PTPRN2: variants seen among roughly 807,000 people sequenced by gnomAD.
The protein encoded by PTPRN2 is receptor-type tyrosine-protein phosphatase N2.
PTPRN2 carries 74 observed loss-of-function variants against 118.8 expected under a neutral mutation model. That is an observed-to-expected ratio of 0.62 (90% CI 0.52 to 0.76). PTPRN2 has a LOEUF of 0.76. Among genes scored for constraint, PTPRN2 ranks in the 30% least tolerant of loss-of-function variants. The pLI is 0.00. For missense variants in PTPRN2, 1,481 were observed against 1,394.4 expected, an observed-to-expected ratio of 1.06 and a Z score of -0.99; for synonymous variants, 641 against 608.0, an observed-to-expected ratio of 1.05 and a Z score of -0.80.
rs964124016 is a variant in PTPRN2, at chr7:157,874,273, A to C, written c.1788+24400T>G. On this transcript the variant is annotated intron_variant, in intron 12 of 22. Coordinates refer to ENST00000389418, the MANE Select transcript of PTPRN2 (RefSeq NM_002847.5). This position sits in a 1 kb window ranked among gnomAD's most constrained non-coding sequence, Gnocchi z 5.8. Reference sequence around the variant, plus strand: ...ACTCCATGGCTCCCCATGGCCTGCAAATCAGATCACAGCCCCTAAGCCTGG... The same window carrying C: ...ACTCCATGGCTCCCCATGGCCTGCACATCAGATCACAGCCCCTAAGCCTGG... 6.6e-6 allele frequency among the ~76,000 whole-genome samples: 1 copy of C among 152,016 alleles called. No homozygotes were observed.
rs762549057 is a variant in PTPRN2 at position 157,623,344 on chromosome 7, T to C, written c.2197-1835A>G. On this transcript the variant is annotated intron_variant, in intron 14 of 22. Coordinates refer to ENST00000389418, the MANE Select transcript of PTPRN2 (RefSeq NM_002847.5). ...CTACTTTTCTCAAGTTGGGCTTACG[T>C]AGAGTTCTACAAATAGGTAGGTCGA... Among the ~76,000 whole-genome samples the C allele has an allele frequency of 1.9e-4, 29 of 152,230 alleles. 1 individual carries two copies. The highest frequency in any genetic ancestry group is 8.5e-4 in the Admixed American group (13 of 15,282).
chr7:157,740,177 G>A (rs1400451565), intron 12 of PTPRN2: 1 of 152,180 alleles, frequency 6.6e-6, no homozygotes, highest in Non-Finnish European at 1.5e-5. Context: ...TGTATATGGT[G>A]AGCTACCTTA....
chr7:157,856,929 G>A lies in PTPRN2; in HGVS notation c.1788+41744C>T, dbSNP rs183649498. On this transcript the variant is annotated intron_variant, in intron 12 of 22. Transcript: ENST00000389418. Reference sequence around the variant, plus strand: ...ACCCAACTGTGTAGCAGACTTCCACGGCTCATGATTTATTCTCAAATTTTT... The same window carrying A: ...ACCCAACTGTGTAGCAGACTTCCACAGCTCATGATTTATTCTCAAATTTTT... 1.9e-3 allele frequency among the ~76,000 whole-genome samples: 290 copies of A among 152,190 alleles called. 2 individuals carry two copies. In the South Asian group the frequency reaches 0.021, roughly 11 times the overall value.
intron 14 of PTPRN2, among the ~76,000 whole-genome samples, chr7:157,633,666 A>T (rs2150675591): frequency 6.6e-6 from 1 of 152,276 alleles, no homozygotes; most frequent in Admixed American, 6.5e-5. Context: ...GGACCTGGGC[A>T]GGGCCTGAGT....
chr7:157,656,778 G>A (rs952751243), intron 13 of PTPRN2, among the ~76,000 whole-genome samples: 3 of 152,152 alleles, frequency 2.0e-5, no homozygotes, highest in Admixed American at 2.0e-4. Context: ...TGCAGGAAAA[G>A]AGAGGCCTTG....
chr7:157,756,303 AAT>A (rs1491521995), intron 12 of PTPRN2, among the ~76,000 whole-genome samples: 1 of 143,844 alleles, frequency 7.0e-6, no homozygotes, highest in African/African-American at 2.9e-5. Context: ...TCTTTTAATT[AAT>A]TTTTTTTTTT....
intron 4 of PTPRN2, among the ~76,000 whole-genome samples, chr7:158,201,361 A>T (rs1826637375): frequency 1.3e-5 from 2 of 152,198 alleles, no homozygotes; most frequent in Non-Finnish European, 2.9e-5. Flanking sequence ...ATAAATTCTC[A>T]TCAGATGGGT....
chr7:157,541,432 G>A (rs886165292), intron 22 of PTPRN2, among the ~76,000 whole-genome samples: 1 of 152,262 alleles, frequency 6.6e-6, no homozygotes. Flanking sequence ...CGGACAGCCT[G>A]CCGAGAGCAT....
At chr7:158,452,507 C>T (rs1427539450) in intron 2 of PTPRN2, among the ~76,000 whole-genome samples, 2 of 152,182 alleles carry the variant, frequency 1.3e-5, no homozygotes, top group East Asian at 1.9e-4. Context: ...GCTCTGAGCA[C>T]GCCACGCACC....
intron 2 of PTPRN2, among the ~76,000 whole-genome samples, chr7:158,404,508 C>A (rs570972384): frequency 1.3e-5 from 2 of 152,280 alleles, no homozygotes; most frequent in South Asian, 2.1e-4. Flanking sequence ...AGGACGGGGG[C>A]TCCCCAGGGG....
Position 157,785,404 on chromosome 7 carries a change from G to C in PTPRN2, c.1789-102467C>G, listed in dbSNP as rs571229382. Among the ~76,000 whole-genome samples, 58 of 152,332 alleles carry C rather than the reference G, an allele frequency of 3.8e-4. No individual in the cohort carries two copies. In the East Asian group the frequency reaches 9.9e-3, roughly 26 times the overall value. The stretch of plus-strand genomic sequence containing the variant: ...AACGAAATCGCCCCCGAGGATGAAA[G>C]GGGGTGGTGGAAAAGGCCTTGGAGC... On this transcript the variant is annotated intron_variant, in intron 12 of 22. Coordinates refer to ENST00000389418, the MANE Select transcript of PTPRN2 (RefSeq NM_002847.5). The surrounding 1 kb of genome is among the most constrained non-coding windows in gnomAD (Gnocchi z 7.3).
Position 158,269,749 on chromosome 7 carries a change from GA to G in PTPRN2, c.277+47069del, listed in dbSNP as rs202005949. Among the ~76,000 whole-genome samples, 29 of 141,604 alleles carry G rather than the reference GA, an allele frequency of 2.0e-4. No individual in the cohort carries two copies. The East Asian group carries it at 2.4e-3, about 12-fold the overall frequency. The allele number at this position is 141,604 out of a possible 152,430, so 92.9% of individuals were successfully genotyped here. ...ACAGAAACAGAGAGACAGAGACAGA[GA>G]GAGACAGAGACAGAGGAACAGAGAC... On this transcript the variant is annotated intron_variant, in intron 3 of 22. Transcript: ENST00000389418.
At chr7:158,230,747 C>T (rs1484313434) in intron 3 of PTPRN2, among the ~76,000 whole-genome samples, 1 of 151,784 alleles carries the variant, frequency 6.6e-6, no homozygotes, top group Non-Finnish European at 1.5e-5. Context: ...AGACAGAAAG[C>T]AAGCAAGGCA....
chr7:158,422,757 T>C (rs1462532067), intron 2 of PTPRN2, among the ~76,000 whole-genome samples: 3 of 151,438 alleles, frequency 2.0e-5, no homozygotes, highest in Admixed American at 6.6e-5. Flanking sequence ...GGGGCCACCA[T>C]TGGGATGTGG....
intron 2 of PTPRN2, among the ~76,000 whole-genome samples, chr7:158,373,153 A>G (rs7798400): frequency 0.89 from 136,044 of 152,306 alleles, 60,827 homozygotes; most frequent in Non-Finnish European, 0.91. Flanking sequence ...GAGCGTTAAC[A>G]TCGGCATTTA....
At chr7:157,645,907 T>C (rs996272249) in intron 14 of PTPRN2, among the ~76,000 whole-genome samples, 6 of 152,162 alleles carry the variant, frequency 3.9e-5, no homozygotes, top group Non-Finnish European at 8.8e-5. Context: ...CTTGGTACAA[T>C]ATGACAAAGA....
chr7:158,456,481 A>G (rs1198090351), intron 2 of PTPRN2, among the ~76,000 whole-genome samples: 1 of 149,056 alleles, frequency 6.7e-6, no homozygotes, highest in South Asian at 2.2e-4. Flanking sequence ...ATGGCCCCCC[A>G]TTGCTCTGCA....
chr7:158,370,472 G>C (rs1399617091), intron 2 of PTPRN2, among the ~76,000 whole-genome samples: 3 of 148,192 alleles, frequency 2.0e-5, no homozygotes, highest in Non-Finnish European at 3.0e-5. Context: ...GGCTGGGAGG[G>C]CTGGGCGCAG....
At chr7:158,560,235 T>A (rs1393315843) in intron 1 of PTPRN2, among the ~76,000 whole-genome samples, 1 of 152,236 alleles carries the variant, frequency 6.6e-6, no homozygotes, top group South Asian at 2.1e-4. Context: ...GACACTTGGG[T>A]GGCTTCTAAC....
Sources: allele counts gnomAD v4.1 joint callset (sites outside exome capture counted in the v4.1 genomes callset), GRCh38; gene constraint gnomAD v4.1.1; non-coding constraint Gnocchi (gnomAD v3.1); transcripts MANE v1.5; gene names NCBI Gene and HGNC (gene_info 2026-07-23, HGNC 2026-07-21).